Variants in EMSY observed in about 807,000 individuals in gnomAD.
EMSY encodes BRCA2-interacting transcriptional repressor EMSY.
A neutral mutation model predicts 134.6 loss-of-function variants in EMSY; 26 were observed. The ratio of observed to expected loss-of-function variants is 0.19; its 90% confidence interval spans 0.14 to 0.27. EMSY has a LOEUF of 0.27. Among genes scored for constraint, EMSY ranks in the 10% least tolerant of loss-of-function variants. The pLI is 1.00. For missense variants in EMSY, 1,305 were observed against 1,611.4 expected (o/e 0.81, Z 3.26); for synonymous variants, 579 against 577.8 (o/e 1.00, Z -0.03).
chr11:76,514,351 G>A (rs1950375929), intron 10 of EMSY, among the ~76,000 whole-genome samples: 1 of 152,030 alleles, frequency 6.6e-6, no homozygotes, highest in Admixed American at 6.5e-5. Context: ...TTTTGAGGAT[G>A]GCTAGTATTT....
At chr11:76,545,386 T>A (rs1951606202) in intron 19 of EMSY, among the ~76,000 whole-genome samples, 1 of 152,242 alleles carries the variant, frequency 6.6e-6, no homozygotes, top group African/African-American at 2.4e-5. Flanking sequence ...TATAAATACA[T>A]ATATATAGGA....
intron 8 of EMSY, among the ~76,000 whole-genome samples, chr11:76,493,500 A>T (rs1949507783): frequency 6.6e-6 from 1 of 152,076 alleles, no homozygotes; most frequent in Non-Finnish European, 1.5e-5. Flanking sequence ...GAGAAGTTAC[A>T]GGGCTTTTTC....
At chr11:76,492,117 A>G (rs192687260) in intron 8 of EMSY, among the ~76,000 whole-genome samples, 4 of 152,344 alleles carry the variant, frequency 2.6e-5, no homozygotes, top group African/African-American at 9.6e-5. Context: ...ATATTCAGAA[A>G]GATTAAGTAC....
intron 11 of EMSY, among the ~76,000 whole-genome samples, chr11:76,522,710 T>A (rs1950691701): frequency 6.6e-6 from 1 of 152,192 alleles, no homozygotes; most frequent in Non-Finnish European, 1.5e-5. Flanking sequence ...TTTCTTTTCA[T>A]AAATTTTTTC....
exon 21 of EMSY, chr11:76,551,430 T>C (rs1044380916): frequency 1.3e-5 from 2 of 152,772 alleles, no homozygotes; most frequent in South Asian, 4.1e-4. Flanking sequence ...CTGCCCAGTT[T>C]TTTTGGTGCT....
chr11:76,516,678 T>C (rs1008532289), intron 11 of EMSY: 1 of 159,778 alleles, frequency 6.3e-6, no homozygotes, highest in African/African-American at 2.4e-5. Context: ...CAAATGAAGA[T>C]AGATTTGGCT....
intron 2 of EMSY, among the ~76,000 whole-genome samples, chr11:76,449,511 C>T (rs1947564188): frequency 6.6e-6 from 1 of 152,202 alleles, no homozygotes; most frequent in African/African-American, 2.4e-5. Context: ...CCACAGGTCA[C>T]AAGTGTCAAC....
chr11:76,489,107 G>A (rs1020010901), intron 8 of EMSY, among the ~76,000 whole-genome samples: 1 of 152,222 alleles, frequency 6.6e-6, no homozygotes, highest in Non-Finnish European at 1.5e-5. Flanking sequence ...GAAAGTACAT[G>A]CCAATGCCTT....
intron 15 of EMSY, among the ~76,000 whole-genome samples, chr11:76,537,381 G>A (rs1446154091): frequency 6.6e-6 from 1 of 152,108 alleles, no homozygotes; most frequent in African/African-American, 2.4e-5. Context: ...ACTGTGTTGT[G>A]CTATTCTGGG....
intron 4 of EMSY, 35 bp downstream of exon 4, chr11:76,453,423 T>G (rs1412698987): frequency 1.9e-6 from 3 of 1,583,178 alleles, no homozygotes; most frequent in Non-Finnish European, 2.6e-6. Context: ...TGATTTTTTA[T>G]GACATAGTAT....
intron 12 of EMSY, among the ~76,000 whole-genome samples, chr11:76,526,159 A>G (rs536721209): frequency 1.4e-3 from 220 of 152,278 alleles, no homozygotes; most frequent in Non-Finnish European, 2.6e-3. Context: ...TTTTCTGACT[A>G]TTATAATATA....
intron 17 of EMSY, among the ~76,000 whole-genome samples, chr11:76,541,423 T>C (rs1314711033): frequency 6.6e-6 from 1 of 152,208 alleles, no homozygotes; most frequent in Non-Finnish European, 1.5e-5. Context: ...TTTATATTTG[T>C]TTAGTACTTT....
intron 9 of EMSY, among the ~76,000 whole-genome samples, chr11:76,501,123 T>C (rs1240155423): frequency 6.6e-6 from 1 of 152,246 alleles, no homozygotes; most frequent in Non-Finnish European, 1.5e-5. Context: ...GTTTCTGTAC[T>C]TGTATTATTT....
chr11:76,529,533 C>G (rs1950959508), intron 14 of EMSY, among the ~76,000 whole-genome samples: 1 of 152,042 alleles, frequency 6.6e-6, no homozygotes, highest in Non-Finnish European at 1.5e-5. Flanking sequence ...CAATATAGTT[C>G]TTGCCCTCCA....
At chr11:76,478,407 G>A (rs1179425400) in intron 8 of EMSY, among the ~76,000 whole-genome samples, 2 of 147,546 alleles carry the variant, frequency 1.4e-5, no homozygotes, top group African/African-American at 2.5e-5. Context: ...GCAGTGGTGC[G>A]ATCTTGGCTC....
At chr11:76,472,133 G>T (rs1948596159) in intron 7 of EMSY, among the ~76,000 whole-genome samples, 2 of 152,150 alleles carry the variant, frequency 1.3e-5, no homozygotes, top group Admixed American at 6.5e-5. Flanking sequence ...CTACTAAAAT[G>T]TAAGCTACTT....
At position 76,531,061 on chromosome 11, in the gene EMSY, C is replaced by T. The variant is rs138087345; in HGVS notation, c.2194+2595C>T. ...ATTTGCTTTGTTGTTGATTCTCTGC[C>T]CCCCTTCTGCTGTGTGTGTGTATAT... On this transcript the variant is annotated intron_variant, in intron 14 of 20. Coordinates refer to ENST00000334736, the Ensembl canonical transcript of EMSY. Among the ~76,000 whole-genome samples the T allele has an allele frequency of 2.5e-4, 38 of 152,084 alleles. 1 individual carries two copies. The East Asian group carries it at 6.9e-3, about 28-fold the overall frequency.
At chr11:76,544,788 T>C (rs1951580153) in exon 19 of EMSY, 1 of 1,613,812 alleles carries the variant, frequency 6.2e-7, no homozygotes, top group Non-Finnish European at 8.5e-7. Flanking sequence ...CAAATGTCGC[T>C]CCCAGCTTCT....
chr11:76,539,984 T>C (rs1951374390), intron 17 of EMSY, among the ~76,000 whole-genome samples: 1 of 152,222 alleles, frequency 6.6e-6, no homozygotes, highest in African/African-American at 2.4e-5. Context: ...AGCATTTTCT[T>C]TGACTTAAAA....
Sources: allele counts gnomAD v4.1 joint callset (sites outside exome capture counted in the v4.1 genomes callset), GRCh38; gene constraint gnomAD v4.1.1; transcripts MANE v1.5; gene names NCBI Gene and HGNC (gene_info 2026-07-23, HGNC 2026-07-21).